Variants in RMDN2 observed in about 807,000 individuals in gnomAD.
RMDN2 encodes the protein regulator of microtubule dynamics protein 2.
Under a neutral mutation model 52.8 loss-of-function variants are expected in RMDN2, and 61 were observed. The observed-to-expected ratio is 1.16, with a 90% CI of 0.94 to 1.43. RMDN2 has a LOEUF of 1.43. Among genes scored for constraint, RMDN2 ranks in the 40% most tolerant of loss-of-function variants. The pLI, the probability that RMDN2 is intolerant of heterozygous loss-of-function variation, is 0.00. For synonymous variants in RMDN2, 180 were observed against 153.1 expected (o/e 1.18, Z -1.30); for missense variants, 592 against 475.3 (o/e 1.25, Z -2.28).
At chr2:37,938,573 C>G (rs1667512626) in intron 2 of RMDN2, among the ~76,000 whole-genome samples, 1 of 152,166 alleles carries the variant, frequency 6.6e-6, no homozygotes, top group African/African-American at 2.4e-5. Flanking sequence ...AATTTCAGAA[C>G]TTGTTATTGG....
intron 1 of RMDN2, among the ~76,000 whole-genome samples, chr2:37,927,526 C>T (rs1313842245): frequency 6.6e-6 from 1 of 152,186 alleles, no homozygotes; most frequent in African/African-American, 2.4e-5. Context: ...ATTTTTACTT[C>T]TACTTATTTG....
At chr2:38,064,693 C>A (rs996967132) in intron 10 of RMDN2, among the ~76,000 whole-genome samples, 1 of 151,684 alleles carries the variant, frequency 6.6e-6, no homozygotes. Flanking sequence ...AATGAATATA[C>A]CATCGAATAG....
chr2:38,067,115 GCAATAAAACATTTCCA>G, exon 11 of RMDN2: 2 of 924,490 alleles, frequency 2.2e-6, no homozygotes, highest in Non-Finnish European at 3.5e-6. Context: ...AAAAAGATTG[GCAATAAAACATTTCCA>G]CATAGTACAT....
intron 10 of RMDN2, among the ~76,000 whole-genome samples, chr2:38,039,936 G>GT (rs1328427733): frequency 1.3e-5 from 2 of 151,864 alleles, no homozygotes; most frequent in South Asian, 2.1e-4. Flanking sequence ...CTCCTCTTTG[G>GT]TTTTCTCCTG....
chr2:37,989,592 A>C lies in RMDN2; in HGVS notation c.843A>C (p.Lys281Asn), dbSNP rs1185049982. The change falls in exon 6 of 11, where the codon AAA becomes AAC. Residue 281 changes from lysine to asparagine, a missense_variant. Coordinates refer to ENST00000354545, the MANE Select transcript of RMDN2 (RefSeq NM_001170791.3). ...YVSEFEGLQN[K>N]INYGHLFKEH... ...CTGAGTTTGAGGGTTTACAAAACAAAATCAACTATGGGCACCTCTTCAAGG... is the reference window on the plus strand; with the variant it reads ...CTGAGTTTGAGGGTTTACAAAACAACATCAACTATGGGCACCTCTTCAAGG... The C allele has an allele frequency of 5.0e-6, 8 of 1,610,170 alleles. No homozygotes were observed. The highest frequency in any genetic ancestry group is 1.7e-5 in the Admixed American group (1 of 59,742).
Position 37,997,170 on chromosome 2 carries a change from A to C in RMDN2, c.946-246A>C, listed in dbSNP as rs540021442. On this transcript the variant is annotated intron_variant, in intron 7 of 10. Transcript: ENST00000354545. ...CAGAGTATTTCAGGTTGGTTTTGAAACCAGTGCTTCTGGACCCCATGGTTC... is the reference window on the plus strand; with the variant it reads ...CAGAGTATTTCAGGTTGGTTTTGAACCCAGTGCTTCTGGACCCCATGGTTC... Among the ~76,000 whole-genome samples, 5 of 152,284 alleles carry C rather than the reference A, an allele frequency of 3.3e-5. No homozygotes were observed. The East Asian group carries it at 9.6e-4, about 29-fold the overall frequency.
chr2:38,011,489 C>T (rs556095276), intron 10 of RMDN2, among the ~76,000 whole-genome samples: 8 of 152,218 alleles, frequency 5.3e-5, no homozygotes, highest in African/African-American at 1.9e-4. Flanking sequence ...GTAAAAAAAA[C>T]CCTCCTCTTT....
chr2:37,925,673 C>G (rs1459206641), intron 1 of RMDN2, among the ~76,000 whole-genome samples: 1 of 152,208 alleles, frequency 6.6e-6, no homozygotes, highest in Non-Finnish European at 1.5e-5. Flanking sequence ...CCCCGGAGGT[C>G]GCTGGTATTT....
chr2:38,032,856 A>T lies in RMDN2; in HGVS notation c.1713+28640A>T, dbSNP rs1311247239. The T allele has an allele frequency of 2.6e-5, 4 of 152,208 alleles. No homozygotes were observed. In the East Asian group the frequency reaches 7.7e-4, roughly 29 times the overall value. 9.4% of individuals were successfully genotyped at this position (152,208 alleles called of 1,614,324 possible). A position where few individuals can be genotyped will look rare whatever the true frequency, so the allele number is the denominator to read the frequency against. ...TCCGTCACAAAAAATGTAAAAAAAA[A>T]AATCACATATAATTATTTCAGCAGA... On this transcript the variant is annotated intron_variant, in intron 10 of 10. Coordinates refer to the RMDN2 transcript ENST00000234195.
rs1676721531 is a variant in RMDN2, at chr2:38,004,058, C to G, written c.1098+14C>G. On this transcript the variant is annotated intron_variant, in intron 9 of 10. Transcript: ENST00000354545. The stretch of plus-strand genomic sequence containing the variant: ...TACTTAGCAAAGGTAATGAAGACCA[C>G]TGTTCTGCTTTAAGATCACTTTGAA... The G allele has an allele frequency of 1.9e-6, 3 of 1,610,076 alleles. No homozygotes were observed. The highest frequency in any genetic ancestry group is 2.6e-6 in the Non-Finnish European group (3 of 1,176,412).
chr2:37,928,615 T>G (rs1232880715), intron 1 of RMDN2: 1 of 152,228 alleles, frequency 6.6e-6, no homozygotes, highest in Non-Finnish European at 1.5e-5. Flanking sequence ...ACCCACCTAT[T>G]TAAATCTCTG....
intron 1 of RMDN2, 178 bp from the exon 2 acceptor site, chr2:37,929,084 C>A: frequency 2.0e-6 from 1 of 493,490 alleles, no homozygotes; most frequent in South Asian, 2.9e-5. Context: ...TCATTGTAAT[C>A]TAAGACTCTT....
At chr2:37,964,113 A>T (rs944987923) in intron 2 of RMDN2, among the ~76,000 whole-genome samples, 12 of 143,446 alleles carry the variant, frequency 8.4e-5, no homozygotes, top group East Asian at 6.4e-4. Flanking sequence ...CGGCTGCCAG[A>T]TGGAGGGGCT....
intron 2 of RMDN2, among the ~76,000 whole-genome samples, chr2:37,971,420 G>A (rs748783735): frequency 1.3e-5 from 2 of 152,006 alleles, no homozygotes; most frequent in Non-Finnish European, 2.9e-5. Context: ...GCTTAATTTT[G>A]AATAGATGAT....
At chr2:38,035,541 A>G (rs1205621370) in intron 10 of RMDN2, among the ~76,000 whole-genome samples, 1 of 152,238 alleles carries the variant, frequency 6.6e-6, no homozygotes, top group Non-Finnish European at 1.5e-5. Context: ...AAAAATGCAT[A>G]AAGCTATCAT....
chr2:38,015,060 C>G (rs901544815), intron 10 of RMDN2, among the ~76,000 whole-genome samples: 1 of 152,158 alleles, frequency 6.6e-6, no homozygotes, highest in Non-Finnish European at 1.5e-5. Context: ...CAGTAGAGGG[C>G]TCATTAAAAA....
rs1267138776 is a variant in RMDN2 at position 37,966,605 on chromosome 2, T to G, written c.453-7435T>G. 1.3e-5 allele frequency among the ~76,000 whole-genome samples: 2 copies of G among 152,064 alleles called. 1 individual carries two copies. Among genetic ancestry groups the G allele is most frequent in the Admixed American group, 1.3e-4 (2 of 15,252 alleles). The stretch of plus-strand genomic sequence containing the variant: ...TTAGGCTCTATTTACTTTTTTTTCA[T>G]TTTTTATTCTTTTTGTTCCTCAGAA... On this transcript the variant is annotated intron_variant, in intron 2 of 10. Transcript: ENST00000354545.
rs764117967 is a variant in RMDN2 at position 37,991,254 on chromosome 2, A to G, written c.902A>G (p.Glu301Gly). The change falls in exon 7 of 11, where the codon GAG (glutamate) becomes GGG (glycine). Residue 301 changes from glutamate (E) to glycine (G), a missense_variant. Glu to Gly is a moderately conservative substitution (Grantham distance 98). Coordinates refer to ENST00000354545, the MANE Select transcript of RMDN2 (RefSeq NM_001170791.3). ...GATATAGCAATCAAACTTTTACCAG[A>G]GGAACCCTTTCTATATTACCTCAAA... is the stretch of plus-strand genomic sequence containing the variant. ...HLDIAIKLLP[E>G]EPFLYYLKGR... 3.1e-6 allele frequency: 5 copies of G among 1,591,854 alleles called. No homozygotes were observed. Among genetic ancestry groups the G allele is most frequent in the Non-Finnish European group, 4.3e-6 (5 of 1,168,248 alleles).
chr2:37,992,400 A>G lies in RMDN2; in HGVS notation c.945+1103A>G, dbSNP rs545737216. ...AATAATAGAATGATTACAACACTCAAATTTTTATAACCTACTTAATGTTGT... is the reference window on the plus strand; with the variant it reads ...AATAATAGAATGATTACAACACTCAGATTTTTATAACCTACTTAATGTTGT... On this transcript the variant is annotated intron_variant, in intron 7 of 10. Coordinates refer to ENST00000354545, the MANE Select transcript of RMDN2 (RefSeq NM_001170791.3). 7.2e-5 allele frequency among the ~76,000 whole-genome samples: 11 copies of G among 152,338 alleles called. No individual in the cohort carries two copies. In the South Asian group the frequency reaches 2.1e-3, roughly 29 times the overall value.
Sources: gnomAD v4.1 joint callset for allele counts (sites outside exome capture counted in the v4.1 genomes callset) on GRCh38, gnomAD v4.1.1 for gene constraint, MANE v1.5 for transcripts, NCBI Gene and HGNC (gene_info 2026-07-23, HGNC 2026-07-21) for gene names.